CLEC4F: variants seen among roughly 807,000 people sequenced by gnomAD.
CLEC4F encodes C-type lectin domain family 4 member F.
In CLEC4F, 45 loss-of-function variants were observed where a neutral mutation model predicts 53.4. That is an observed-to-expected ratio of 0.84 (90% CI 0.66 to 1.08). The LOEUF (loss-of-function observed/expected upper bound fraction) is 1.08. CLEC4F is among the 50% of genes least tolerant of loss of function. CLEC4F has a pLI of 0.00. For synonymous variants in CLEC4F, 245 were observed against 257.5 expected (o/e 0.95, Z 0.46); for missense variants, 753 against 698.2 (o/e 1.08, Z -0.88).
upstream of CLEC4F, among the ~76,000 whole-genome samples, chr2:70,821,387 T>C (rs1203369145): frequency 1.3e-5 from 2 of 152,104 alleles, no homozygotes; most frequent in African/African-American, 4.8e-5. Flanking sequence ...GGATTAGACT[T>C]TGGAAGACTG....
upstream of CLEC4F, among the ~76,000 whole-genome samples, chr2:70,824,088 A>G (rs1553398515): frequency 6.6e-6 from 1 of 151,344 alleles, no homozygotes; most frequent in Non-Finnish European, 1.5e-5. Flanking sequence ...AAGCCAAACC[A>G]GAGGGAGCCA....
chr2:70,808,690 C>T lies in CLEC4F; in HGVS notation c.*581G>A, dbSNP rs1010562934. On this transcript the variant is annotated 3_prime_UTR_variant, in exon 7 of 7. Coordinates refer to ENST00000272367, the MANE Select transcript of CLEC4F (RefSeq NM_173535.3). Reference sequence around the variant, plus strand: ...TATTGAGGACCTGCTGTCTGACAGGCCTGTGCTGGGTGCTGAGGCTACAGG... The same window carrying T: ...TATTGAGGACCTGCTGTCTGACAGGTCTGTGCTGGGTGCTGAGGCTACAGG... 1 of 205,966 alleles carries T rather than the reference C, an allele frequency of 4.9e-6. No homozygotes were observed. The highest frequency in any genetic ancestry group is 9.9e-6 in the Non-Finnish European group (1 of 101,150). 12.8% of individuals were successfully genotyped at this position (205,966 alleles called of 1,614,324 possible).
intron 3 of CLEC4F, among the ~76,000 whole-genome samples, chr2:70,817,698 T>C (rs1485333437): frequency 6.6e-6 from 1 of 152,020 alleles, no homozygotes; most frequent in Non-Finnish European, 1.5e-5. Context: ...CAAAACAAAA[T>C]AGGTGTGCTG....
rs181173323 is a variant in CLEC4F, at chr2:70,812,814, T to C, written c.1388-216A>G. 8.5e-5 allele frequency among the ~76,000 whole-genome samples: 13 copies of C among 152,274 alleles called. No individual in the cohort carries two copies. The East Asian group carries it at 2.5e-3, about 29-fold the overall frequency. ...CCCTCAAGACGCCTGGCTTGGGCAC[T>C]CCTGGGAGGCTCAGGCAGCTCTCTC... On this transcript the variant is annotated intron_variant, in intron 4 of 6. Transcript: ENST00000272367.
In CLEC4F at chr2:70,818,667, C is replaced by T. The variant is rs1355923924; in HGVS notation, c.268+688G>A. Among the ~76,000 whole-genome samples, 3 of 151,822 alleles carry T rather than the reference C, an allele frequency of 2.0e-5. 1 individual carries two copies. Among genetic ancestry groups the T allele is most frequent in the South Asian group, 4.2e-4 (2 of 4,788 alleles). On this transcript the variant is annotated intron_variant, in intron 3 of 6. Transcript: ENST00000272367. ...CAGAGCTTGCAGTGAGCCGAGATCA[C>T]GCCACTGCACTCCAGCCTGGGTGAC...
At chr2:70,815,872 C>A in intron 4 of CLEC4F, 122 bp downstream of exon 4, 1 of 1,099,550 alleles carries the variant, frequency 9.1e-7, no homozygotes. Flanking sequence ...TCCTTGGGCC[C>A]ATTTCCCTGG....
rs1170058585 is a variant in CLEC4F, at chr2:70,815,765, G to A, written c.1387+229C>T. ...TTATCACACACGTGCACCATTTACA[G>A]TTGGTTTCCCGTGTTCATTTGGTCA... On this transcript the variant is annotated intron_variant, in intron 4 of 6. Transcript: ENST00000272367. Among the ~76,000 whole-genome samples the A allele has an allele frequency of 2.0e-5, 3 of 152,162 alleles. No individual in the cohort carries two copies. In the East Asian group the frequency reaches 5.8e-4, roughly 29 times the overall value.
upstream of CLEC4F, among the ~76,000 whole-genome samples, chr2:70,823,331 C>T (rs536104905): frequency 1.3e-4 from 20 of 152,272 alleles, no homozygotes; most frequent in East Asian, 1.9e-4. Context: ...ACTCCTTCAC[C>T]GCCACATAGA....
At chr2:70,821,376 G>A (rs1677213573), upstream of CLEC4F, among the ~76,000 whole-genome samples, 1 of 152,132 alleles carries the variant, frequency 6.6e-6, no homozygotes, top group Non-Finnish European at 1.5e-5. Flanking sequence ...GACCAAACAT[G>A]GGATTAGACT....
chr2:70,813,961 A>G (rs60921347), intron 4 of CLEC4F, among the ~76,000 whole-genome samples: 2,294 of 152,182 alleles, frequency 0.015, 57 homozygotes, highest in African/African-American at 0.052. Context: ...TTACAGGCGT[A>G]AGCCACTGTG....
rs1487170116 is a variant in CLEC4F at position 70,811,373 on chromosome 2, GT to G, written c.1539+1073del. 4 of 825,800 alleles carry G rather than the reference GT, an allele frequency of 4.8e-6. No individual in the cohort carries two copies. The African/African-American group carries it at 5.1e-5, about 11-fold the overall frequency. The allele number at this position is 825,800 out of a possible 1,614,324, so 51.2% of individuals were successfully genotyped here. ...TAGACTGTTGAGCAGCTAGTGTACT[GT>G]CCATTTTATCAAAGGATTCATCAGG... On this transcript the variant is annotated intron_variant, in intron 5 of 6. Transcript: ENST00000272367.
chr2:70,813,627 C>CTTTCTT (rs1676728696), intron 4 of CLEC4F, among the ~76,000 whole-genome samples: 1 of 117,254 alleles, frequency 8.5e-6, no homozygotes. Context: ...TTCTTTCTTT[C>CTTTCTT]TTTCTTTCTT....
At chr2:70,821,381 T>C (rs1444595291), upstream of CLEC4F, among the ~76,000 whole-genome samples, 1 of 152,142 alleles carries the variant, frequency 6.6e-6, no homozygotes, top group Non-Finnish European at 1.5e-5. Context: ...AACATGGGAT[T>C]AGACTTTGGA....
At chr2:70,818,260 C>T (rs548888785) in intron 3 of CLEC4F, among the ~76,000 whole-genome samples, 8 of 152,278 alleles carry the variant, frequency 5.3e-5, no homozygotes, top group East Asian at 1.9e-4. Context: ...ATGGAGAATA[C>T]GGAAGTAGAC....
chr2:70,816,488 A>G lies in CLEC4F; in HGVS notation c.893T>C (p.Leu298Ser). Residue 298 changes from leucine to serine, a missense_variant, in exon 4 of 7, where the codon TTA (leucine) becomes TCA (serine). Physicochemically the swap from Leu to Ser is moderately radical, Grantham distance 145 (BLOSUM62 -2). Transcript: ENST00000272367. ...TATAAAGGCCTGGGTCTGGGAGTTT[A>G]AAGCATTTGTGTTCTGCAAATTTTC... The part of the protein sequence containing the change: ...LKENLQNTNA[L>S]NSQTQAFIKS... 2 of 1,614,200 alleles carry G rather than the reference A, an allele frequency of 1.2e-6. No homozygotes were observed. Among genetic ancestry groups the G allele is most frequent in the Non-Finnish European group, 1.7e-6 (2 of 1,180,038 alleles).
intron 5 of CLEC4F, chr2:70,811,507 A>T: frequency 2.3e-6 from 1 of 441,248 alleles, no homozygotes; most frequent in Non-Finnish European, 4.5e-6. Context: ...TATTAAGAAG[A>T]TGTGTTTTAC....
Position 70,816,129 on chromosome 2 carries a change from T to G in CLEC4F, c.1252A>C (p.Ser418Arg). Residue 418 changes from serine (S) to arginine (R), a missense_variant, in exon 4 of 7, where the codon AGT (serine) becomes CGT (arginine). Coordinates refer to ENST00000272367, the MANE Select transcript of CLEC4F (RefSeq NM_173535.3). ...QMLDSNLQKASAEIQRLRGDL... is the reference protein window; with the variant it reads ...QMLDSNLQKARAEIQRLRGDL... The stretch of plus-strand genomic sequence containing the variant: ...CCTCTTAACCTCTGGATCTCGGCAC[T>G]GGCCTTCTGCAGATTGCTGTCTAAC... 4.3e-6 allele frequency: 7 copies of G among 1,614,212 alleles called. No homozygotes were observed. The highest frequency in any genetic ancestry group is 2.7e-5 in the African/African-American group (2 of 75,066).
In CLEC4F at chr2:70,811,570, A is replaced by G. The variant is rs1251315181; in HGVS notation, c.1539+877T>C. 21 of 332,394 alleles carry G rather than the reference A, an allele frequency of 6.3e-5. No homozygotes were observed. The Admixed American group carries it at 7.8e-4, about 12-fold the overall frequency. 20.6% of individuals were successfully genotyped at this position (332,394 alleles called of 1,614,324 possible). Reference sequence around the variant, plus strand: ...TAACAGTGGTCTCAGGCGAGCCAACAGGGGGGTAGGCAGTTCTGCAAGTCA... The same window carrying G: ...TAACAGTGGTCTCAGGCGAGCCAACGGGGGGGTAGGCAGTTCTGCAAGTCA... On this transcript the variant is annotated intron_variant, in intron 5 of 6. Coordinates refer to ENST00000272367, the MANE Select transcript of CLEC4F (RefSeq NM_173535.3).
At position 70,816,435 on chromosome 2, in the gene CLEC4F, C is replaced by G; in HGVS notation, c.946G>C (p.Glu316Gln). Residue 316 changes from glutamate to glutamine, a missense_variant, in exon 4 of 7, where the codon GAG (glutamate) becomes CAG (glutamine). By Grantham distance (29) the Glu-to-Gln change is conservative (BLOSUM62 2). Coordinates refer to ENST00000272367, the MANE Select transcript of CLEC4F (RefSeq NM_173535.3). ...IKSSFDNTSAEIQFLRGHLER... is the reference protein window; with the variant it reads ...IKSSFDNTSAQIQFLRGHLER... ...AAATGACCTCTTAAGAACTGGATCT[C>G]AGCACTAGTGTTGTCAAAACTGCTT... The G allele has an allele frequency of 3.1e-6, 5 of 1,614,112 alleles. No homozygotes were observed. The highest frequency in any genetic ancestry group is 4.2e-6 in the Non-Finnish European group (5 of 1,180,026).
Sources: allele counts gnomAD v4.1 joint callset (sites outside exome capture counted in the v4.1 genomes callset), GRCh38; gene constraint gnomAD v4.1.1; transcripts MANE v1.5; gene names NCBI Gene and HGNC (gene_info 2026-07-23, HGNC 2026-07-21).